GGNBP2: variants seen among roughly 807,000 people sequenced by gnomAD.
GGNBP2 encodes the protein gametogenetin binding protein 2, also known as gametogenetin-binding protein 2.
Under a neutral mutation model 85.9 loss-of-function variants are expected in GGNBP2, and 10 were observed. That is an observed-to-expected ratio of 0.12 (90% confidence interval 0.07 to 0.20). The LOEUF (loss-of-function observed/expected upper bound fraction) is 0.20. GGNBP2 is among the 10% of genes least tolerant of loss of function. The pLI is 1.00. For synonymous variants in GGNBP2, 287 were observed against 285.7 expected (o/e 1.00, Z -0.05); for missense variants, 595 against 857.8 (o/e 0.69, Z 3.83).
intron 12 of GGNBP2, 47 bp from the exon 13 acceptor site, chr17:36,586,949 TA>T: frequency 6.7e-7 from 1 of 1,493,174 alleles, no homozygotes; most frequent in Non-Finnish European, 9.2e-7. Context: ...GAATAATTGC[TA>T]TTATATCATG....
intron 12 of GGNBP2, 76 bp downstream of exon 12, chr17:36,586,274 G>T: frequency 6.6e-7 from 1 of 1,520,924 alleles, no homozygotes. Flanking sequence ...AGTGGCATAT[G>T]TGCAGCTTAG....
rs1245941550 is a variant in GGNBP2, at chr17:36,579,235, C to T, written c.846-10C>T. The T allele has an allele frequency of 6.2e-7, 1 of 1,611,106 alleles. No homozygotes were observed. Among genetic ancestry groups the T allele is most frequent in the Non-Finnish European group, 8.5e-7 (1 of 1,177,678 alleles). ...TAAAGGTATTAGTGTGTGATTATTC[C>T]CTTTTATAGGCGAAGAGAAAGGCAT... On this transcript the variant is annotated splice_polypyrimidine_tract_variant and intron_variant, in intron 7 of 13. Transcript: ENST00000613102.
At position 36,567,665 on chromosome 17, in the gene GGNBP2, G is replaced by A. The variant is rs2074481734; in HGVS notation, c.530G>A (p.Gly177Asp). 1.3e-6 allele frequency: 2 copies of A among 1,542,070 alleles called. No individual in the cohort carries two copies. Among genetic ancestry groups the A allele is most frequent in the African/African-American group, 1.4e-5 (1 of 73,300 alleles). Residue 177 changes from glycine to aspartate, a missense_variant and splice_region_variant, in exon 6 of 14, where the codon GGT becomes GAT. Transcript: ENST00000613102. ...LDTHKPKPLG[G>D]CWMDVWELMS... ...ACTAATATTTGTTCTTTCTACAGAGGTTGTTGGATGGATGTATGGGAACTA... is the reference window on the plus strand; with the variant it reads ...ACTAATATTTGTTCTTTCTACAGAGATTGTTGGATGGATGTATGGGAACTA...
chr17:36,564,099 T>C (rs966773712), intron 5 of GGNBP2, among the ~76,000 whole-genome samples: 5 of 152,202 alleles, frequency 3.3e-5, no homozygotes, highest in Admixed American at 3.3e-4. Context: ...CATCAGCTCA[T>C]TCTTCCTTCT....
At chr17:36,580,057 T>C (rs1305194185) in intron 8 of GGNBP2, among the ~76,000 whole-genome samples, 1 of 151,864 alleles carries the variant, frequency 6.6e-6, no homozygotes, top group African/African-American at 2.4e-5. Flanking sequence ...CACACATAAC[T>C]AGTGAAAAGT....
intron 5 of GGNBP2, 29 bp from the exon 6 acceptor site, chr17:36,567,634 C>G (rs776334225): frequency 8.5e-7 from 1 of 1,181,510 alleles, no homozygotes; most frequent in Non-Finnish European, 1.3e-6. Context: ...TGTATTCTCC[C>G]TTTTCACTAA....
At chr17:36,570,753 G>A (rs981848078) in intron 6 of GGNBP2, among the ~76,000 whole-genome samples, 7 of 152,132 alleles carry the variant, frequency 4.6e-5, no homozygotes, top group African/African-American at 1.4e-4. Flanking sequence ...GGGCATGGTG[G>A]CTCATGCCTG....
chr17:36,567,428 T>C (rs2074479589), intron 5 of GGNBP2, among the ~76,000 whole-genome samples: 1 of 152,216 alleles, frequency 6.6e-6, no homozygotes, highest in Non-Finnish European at 1.5e-5. Flanking sequence ...GTCACTAAGC[T>C]TTGTACTATA....
chr17:36,582,875 C>G (rs765304133), intron 9 of GGNBP2, among the ~76,000 whole-genome samples: 9 of 151,968 alleles, frequency 5.9e-5, no homozygotes, highest in Non-Finnish European at 1.2e-4. Context: ...TTATACTTAC[C>G]AATATTTACT....
chr17:36,563,777 C>T (rs1198106391), intron 5 of GGNBP2, among the ~76,000 whole-genome samples: 2 of 150,454 alleles, frequency 1.3e-5, no homozygotes, highest in East Asian at 1.9e-4. Flanking sequence ...TGGAATTTCC[C>T]CTGTCACCCG....
chr17:36,578,455 C>T, intron 7 of GGNBP2: 1 of 374,848 alleles, frequency 2.7e-6, no homozygotes, highest in Non-Finnish European at 4.8e-6. Context: ...TACAGACTAT[C>T]ATTTTCATTT....
chr17:36,550,216 G>A (rs2074295797), intron 2 of GGNBP2, among the ~76,000 whole-genome samples: 1 of 152,166 alleles, frequency 6.6e-6, no homozygotes, highest in Admixed American at 6.5e-5. Context: ...GGGATTACAG[G>A]CGTGAGCCAA....
chr17:36,553,137 T>C (rs2074327032), intron 2 of GGNBP2, among the ~76,000 whole-genome samples: 1 of 151,990 alleles, frequency 6.6e-6, no homozygotes, highest in Non-Finnish European at 1.5e-5. Context: ...ATATATAGTA[T>C]ATATGCATTG....
chr17:36,549,614 C>CACAT (rs60004774), intron 2 of GGNBP2, among the ~76,000 whole-genome samples: 57,748 of 151,950 alleles, frequency 0.38, 11,390 homozygotes, highest in Middle Eastern at 0.47. Context: ...CCTAGACACA[C>CACAT]AGATACAGTT....
At chr17:36,584,415 G>A (rs951483318) in intron 9 of GGNBP2, among the ~76,000 whole-genome samples, 4 of 151,950 alleles carry the variant, frequency 2.6e-5, no homozygotes, top group African/African-American at 9.7e-5. Flanking sequence ...TTGGCTCACT[G>A]CAGGCTCTGC....
intron 2 of GGNBP2, among the ~76,000 whole-genome samples, chr17:36,552,229 T>A (rs910070623): frequency 2.0e-5 from 3 of 152,238 alleles, no homozygotes; most frequent in Non-Finnish European, 4.4e-5. Flanking sequence ...ACTTGACAGT[T>A]AAATTTTTGT....
chr17:36,578,282 TG>T, intron 7 of GGNBP2, 96 bp downstream of exon 7: 32 of 892,186 alleles, frequency 3.6e-5, no homozygotes, highest in Non-Finnish European at 4.8e-5. Context: ...TCAGTACATA[TG>T]ATATATGTAT....
chr17:36,566,397 C>T (rs529617235), intron 5 of GGNBP2, among the ~76,000 whole-genome samples: 6 of 152,024 alleles, frequency 3.9e-5, no homozygotes, highest in Non-Finnish European at 8.8e-5. Context: ...TGGTGGCTCA[C>T]GCCTGTAATC....
At chr17:36,566,127 A>G (rs1169249776) in intron 5 of GGNBP2, among the ~76,000 whole-genome samples, 1 of 152,210 alleles carries the variant, frequency 6.6e-6, no homozygotes, top group Non-Finnish European at 1.5e-5. Context: ...TCTGGCGTCC[A>G]AGGTGTAATG....
Sources: gnomAD v4.1 joint callset for allele counts (sites outside exome capture counted in the v4.1 genomes callset) on GRCh38, gnomAD v4.1.1 for gene constraint, MANE v1.5 for transcripts, NCBI Gene and HGNC (gene_info 2026-07-23, HGNC 2026-07-21) for gene names.